KIRREL3: variants seen among roughly 807,000 people sequenced by gnomAD.
KIRREL3 encodes kirre like nephrin family adhesion molecule 3, also known as kin of IRRE-like protein 3.
A neutral mutation model predicts 89.7 loss-of-function variants in KIRREL3; 36 were observed. That is an observed-to-expected ratio of 0.40 (90% CI 0.31 to 0.53). The LOEUF (loss-of-function observed/expected upper bound fraction) is 0.53, where lower values mean the gene tolerates loss of function less well. Ranked by LOEUF, KIRREL3 falls within the 20% of genes least tolerant of loss-of-function variation. The pLI, the probability that KIRREL3 is intolerant of heterozygous loss-of-function variation, is 0.49. For synonymous variants in KIRREL3, 445 were observed against 441.4 expected (o/e 1.01, Z -0.10); for missense variants, 864 against 1,056.6 (o/e 0.82, Z 2.53).
At chr11:126,986,383 A>G (rs1221379568) in intron 1 of KIRREL3, among the ~76,000 whole-genome samples, 1 of 152,194 alleles carries the variant, frequency 6.6e-6, no homozygotes, top group Non-Finnish European at 1.5e-5. Context: ...CAGAGCAAGA[A>G]TTCTCGGGGT....
In KIRREL3 at chr11:126,679,009, G is replaced by A. The variant is rs113409904; in HGVS notation, c.56-116097C>T. 9.3e-4 allele frequency among the ~76,000 whole-genome samples: 142 copies of A among 152,346 alleles called. 1 individual carries two copies. The highest frequency in any genetic ancestry group is 3.4e-3 in the African/African-American group (140 of 41,580). ...TTGGCCAAGTTCTGACCAATGAGAT[G>A]TAAGGAGAACTCTGCTGAGGGGTTT... On this transcript the variant is annotated intron_variant, in intron 1 of 16. Coordinates refer to ENST00000525144, the MANE Select transcript of KIRREL3 (RefSeq NM_032531.4).
rs1958798463 is a variant in KIRREL3 at position 126,527,487 on chromosome 11, C to T, written c.134-800G>A. ...GTTTTGAGGCTTTAAAATATTAGTT[C>T]ATTAATATTTTCATCGTCATAACAA... is the stretch of plus-strand genomic sequence containing the variant. On this transcript the variant is annotated intron_variant, in intron 2 of 16. Transcript: ENST00000525144. The surrounding 1 kb of genome is among the most constrained non-coding windows in gnomAD (Gnocchi z 4.2). Among the ~76,000 whole-genome samples the T allele has an allele frequency of 6.6e-6, 1 of 152,138 alleles. No individual in the cohort carries two copies. The highest frequency in any genetic ancestry group is 1.5e-5 in the Non-Finnish European group (1 of 68,034).
At position 126,892,967 on chromosome 11, in the gene KIRREL3, G is replaced by A. The variant is rs1945985062; in HGVS notation, c.55+107488C>T. On this transcript the variant is annotated intron_variant, in intron 1 of 16. Coordinates refer to ENST00000525144, the MANE Select transcript of KIRREL3 (RefSeq NM_032531.4). The surrounding 1 kb of genome is among the most constrained non-coding windows in gnomAD (Gnocchi z 5.4). ...AGTATTCTAATTGCCTGTGGGATAG[G>A]ATTTCACTATATCCCTGCACAGCTG... is the stretch of plus-strand genomic sequence containing the variant. Among the ~76,000 whole-genome samples the A allele has an allele frequency of 6.6e-6, 1 of 152,208 alleles. No homozygotes were observed. Among genetic ancestry groups the A allele is most frequent in the Non-Finnish European group, 1.5e-5 (1 of 68,044 alleles).
intron 1 of KIRREL3, among the ~76,000 whole-genome samples, chr11:126,712,450 C>T (rs2134148555): frequency 6.6e-6 from 1 of 152,318 alleles, no homozygotes; most frequent in Non-Finnish European, 1.5e-5. Context: ...CAATCTGGGG[C>T]ACCCCTGCCG....
chr11:126,899,339 G>T (rs1437173255), intron 1 of KIRREL3, among the ~76,000 whole-genome samples: 1 of 152,142 alleles, frequency 6.6e-6, no homozygotes, highest in South Asian at 2.1e-4. Context: ...GGTCATCAAA[G>T]TCATTTGCAC....
intron 1 of KIRREL3, among the ~76,000 whole-genome samples, chr11:126,922,016 T>C (rs61349647): frequency 1.5e-5 from 2 of 131,744 alleles, no homozygotes; most frequent in Admixed American, 1.5e-4. Flanking sequence ...TCATCTATCT[T>C]CCTATCTATC....
Position 126,946,031 on chromosome 11 carries a change from C to G in KIRREL3, c.55+54424G>C, listed in dbSNP as rs149483782. On this transcript the variant is annotated intron_variant, in intron 1 of 16. Coordinates refer to ENST00000525144, the MANE Select transcript of KIRREL3 (RefSeq NM_032531.4). This position sits in a 1 kb window ranked among gnomAD's most constrained non-coding sequence, Gnocchi z 4.1. ...TGTGGTGACTGCTGCTCCATCTGAG[C>G]CCCTTAAAATCTCAGAGACTGAGCT... 3.8e-4 allele frequency among the ~76,000 whole-genome samples: 58 copies of G among 152,260 alleles called. No individual in the cohort carries two copies. The highest frequency in any genetic ancestry group is 1.3e-3 in the African/African-American group (56 of 41,546).
chr11:126,424,537 C>G lies in KIRREL3; in HGVS notation c.*43G>C, dbSNP rs768631658. ...CGTCCCTGGACAACCAGAACGTGCC[C>G]TGACCTCTTCCCTGGCCCGTCCCCA... is the stretch of plus-strand genomic sequence containing the variant. On this transcript the variant is annotated 3_prime_UTR_variant, in exon 17 of 17. Transcript: ENST00000525144. 6.3e-7 allele frequency: 1 copy of G among 1,594,814 alleles called. No homozygotes were observed.
In KIRREL3 at chr11:126,694,117, G is replaced by T. The variant is rs1166155985; in HGVS notation, c.56-131205C>A. 6.6e-6 allele frequency among the ~76,000 whole-genome samples: 1 copy of T among 152,250 alleles called. No individual in the cohort carries two copies. Among genetic ancestry groups the T allele is most frequent in the Non-Finnish European group, 1.5e-5 (1 of 68,050 alleles). The stretch of plus-strand genomic sequence containing the variant: ...GTTGCAGCAGGAGATGGGAGCATGG[G>T]CTCCATCCCTAAGGGAGCCACATTC... On this transcript the variant is annotated intron_variant, in intron 1 of 16. Transcript: ENST00000525144. This position sits in a 1 kb window ranked among gnomAD's most constrained non-coding sequence, Gnocchi z 4.4.
rs553629760 is a variant in KIRREL3 at position 126,575,185 on chromosome 11, G to A, written c.56-12273C>T. Among the ~76,000 whole-genome samples the A allele has an allele frequency of 2.0e-5, 3 of 152,294 alleles. No individual in the cohort carries two copies. The highest frequency in any genetic ancestry group is 4.4e-5 in the Non-Finnish European group (3 of 68,000). Reference sequence around the variant, plus strand: ...AAAAGAGGCTTAAGCTAAGAAGCCCGGGGAGTAGGAAGTTCTATGCTACCC... The same window carrying A: ...AAAAGAGGCTTAAGCTAAGAAGCCCAGGGAGTAGGAAGTTCTATGCTACCC... On this transcript the variant is annotated intron_variant, in intron 1 of 16. Coordinates refer to ENST00000525144, the MANE Select transcript of KIRREL3 (RefSeq NM_032531.4). The surrounding 1 kb of genome is among the most constrained non-coding windows in gnomAD (Gnocchi z 7.0).
intron 2 of KIRREL3, among the ~76,000 whole-genome samples, chr11:126,533,552 A>G (rs1205718333): frequency 6.6e-6 from 1 of 152,192 alleles, no homozygotes; most frequent in African/African-American, 2.4e-5. Context: ...CACCTTCTTT[A>G]GCTCCCTGAG....
At chr11:126,548,586 T>A (rs1006842916) in intron 2 of KIRREL3, among the ~76,000 whole-genome samples, 4 of 152,248 alleles carry the variant, frequency 2.6e-5, no homozygotes, top group Non-Finnish European at 4.4e-5. Flanking sequence ...CCCATGCCGA[T>A]GCCTCCTTTC....
At chr11:126,572,582 C>T (rs1028266693) in intron 1 of KIRREL3, among the ~76,000 whole-genome samples, 6 of 86,644 alleles carry the variant, frequency 6.9e-5, no homozygotes, top group African/African-American at 1.6e-4. Context: ...ACCCCCCCCC[C>T]GCCAAGCAGG....
At chr11:126,600,215 CA>C (rs961070989) in intron 1 of KIRREL3, among the ~76,000 whole-genome samples, 1 of 152,160 alleles carries the variant, frequency 6.6e-6, no homozygotes, top group African/African-American at 2.4e-5. Context: ...CAACAGCCTA[CA>C]AGGAATTGAA....
chr11:126,976,121 G>A lies in KIRREL3; in HGVS notation c.55+24334C>T, dbSNP rs1949569519. Among the ~76,000 whole-genome samples, 1 of 151,918 alleles carries A rather than the reference G, an allele frequency of 6.6e-6. No homozygotes were observed. Among genetic ancestry groups the A allele is most frequent in the South Asian group, 2.1e-4 (1 of 4,814 alleles). On this transcript the variant is annotated intron_variant, in intron 1 of 16. Coordinates refer to ENST00000525144, the MANE Select transcript of KIRREL3 (RefSeq NM_032531.4). The surrounding 1 kb of genome is among the most constrained non-coding windows in gnomAD (Gnocchi z 4.2). ...CACATCGCTTTCTACAGAGGATGCT[G>A]AGAAGCACATTATTTGTCACCATGC... is the stretch of plus-strand genomic sequence containing the variant.
At position 126,817,844 on chromosome 11, in the gene KIRREL3, AG is replaced by A. The variant is rs1440186120; in HGVS notation, c.55+182610del. ...CAACCCCACCCTGATCTGAAGGCTG[AG>A]GGGGTCATTATGTGGACCCACTACA... is the stretch of plus-strand genomic sequence containing the variant. On this transcript the variant is annotated intron_variant, in intron 1 of 16. Coordinates refer to ENST00000525144, the MANE Select transcript of KIRREL3 (RefSeq NM_032531.4). This position sits in a 1 kb window ranked among gnomAD's most constrained non-coding sequence, Gnocchi z 5.7. 6.6e-6 allele frequency among the ~76,000 whole-genome samples: 1 copy of A among 152,146 alleles called. No homozygotes were observed. The highest frequency in any genetic ancestry group is 1.5e-5 in the Non-Finnish European group (1 of 68,010).
chr11:126,775,764 T>C (rs1329024596), intron 1 of KIRREL3, among the ~76,000 whole-genome samples: 1 of 152,200 alleles, frequency 6.6e-6, no homozygotes, highest in Non-Finnish European at 1.5e-5. Flanking sequence ...GAGGTGGAAG[T>C]GCTGTTATGT....
Position 126,877,832 on chromosome 11 carries a change from T to C in KIRREL3, c.55+122623A>G, listed in dbSNP as rs1945348162. 6.6e-6 allele frequency among the ~76,000 whole-genome samples: 1 copy of C among 152,192 alleles called. No homozygotes were observed. Among genetic ancestry groups the C allele is most frequent in the Admixed American group, 6.5e-5 (1 of 15,276 alleles). ...TGTAATAACAGAAGTATCTTGAACC[T>C]ATCATCCACATGTTTTTTGTGCCTG... is the stretch of plus-strand genomic sequence containing the variant. On this transcript the variant is annotated intron_variant, in intron 1 of 16. Transcript: ENST00000525144. The surrounding 1 kb of genome is among the most constrained non-coding windows in gnomAD (Gnocchi z 4.9).
chr11:126,680,392 C>T (rs2135096547), intron 1 of KIRREL3, among the ~76,000 whole-genome samples: 1 of 148,496 alleles, frequency 6.7e-6, no homozygotes, highest in Non-Finnish European at 1.5e-5. Flanking sequence ...AACTCTTCTA[C>T]TGGAGATATA....
Sources: allele counts gnomAD v4.1 joint callset (sites outside exome capture counted in the v4.1 genomes callset), GRCh38; gene constraint gnomAD v4.1.1; non-coding constraint Gnocchi (gnomAD v3.1); transcripts MANE v1.5; gene names NCBI Gene and HGNC (gene_info 2026-07-23, HGNC 2026-07-21).